The following C1QTNF3 variants were observed in gnomAD, a reference collection of about 807,000 sequenced individuals.
C1QTNF3 encodes the protein complement C1q tumor necrosis factor-related protein 3.
C1QTNF3 carries 26 observed loss-of-function variants against 32.6 expected under a neutral mutation model. The ratio of observed to expected loss-of-function variants is 0.80; its 90% CI spans 0.58 to 1.11. The LOEUF (loss-of-function observed/expected upper bound fraction) is 1.11, where lower values mean the gene tolerates loss of function less well. Among genes scored for constraint, C1QTNF3 ranks in the 50% least tolerant of loss-of-function variants. C1QTNF3 has a pLI of 0.00. For synonymous variants in C1QTNF3, 155 were observed against 146.0 expected (o/e 1.06, Z -0.44); for missense variants, 362 against 398.2 (o/e 0.91, Z 0.77).
the C1QTNF3 span, among the ~76,000 whole-genome samples, chr5:34,216,130 A>G: frequency 6.6e-6 from 1 of 152,240 alleles, no homozygotes; most frequent in Non-Finnish European, 1.5e-5. Context: ...ATATCACAAA[A>G]TGTTTTAATG....
chr5:34,170,530 C>A, the C1QTNF3 span, among the ~76,000 whole-genome samples: 1 of 151,938 alleles, frequency 6.6e-6, no homozygotes, highest in Non-Finnish European at 1.5e-5. Flanking sequence ...GTGACAGTAT[C>A]GGGGGTGTTT....
the C1QTNF3 span, among the ~76,000 whole-genome samples, chr5:34,197,983 C>T: frequency 6.7e-6 from 1 of 149,602 alleles, no homozygotes; most frequent in African/African-American, 2.5e-5. Context: ...CATCTGTAAT[C>T]CCAGTACTTT....
chr5:34,056,479 T>TATATATATAG, the C1QTNF3 span, among the ~76,000 whole-genome samples: 20 of 51,774 alleles, frequency 3.9e-4, no homozygotes, highest in East Asian at 1.4e-3. Context: ...TATATATATA[T>TATATATATAG]AGAGAGAGAG....
At chr5:34,134,225 C>T in the C1QTNF3 span, among the ~76,000 whole-genome samples, 7 of 152,122 alleles carry the variant, frequency 4.6e-5, no homozygotes, top group African/African-American at 7.2e-5. Flanking sequence ...CTATTGTGTT[C>T]GAGCCAATTA....
chr5:34,221,761 G>C, the C1QTNF3 span, among the ~76,000 whole-genome samples: 1 of 152,018 alleles, frequency 6.6e-6, no homozygotes, highest in African/African-American at 2.4e-5. Flanking sequence ...TAAAGACAAT[G>C]CTTCAGTTTT....
chr5:34,241,824 C>T, the C1QTNF3 span, among the ~76,000 whole-genome samples: 1 of 151,394 alleles, frequency 6.6e-6, no homozygotes, highest in African/African-American at 2.4e-5. Flanking sequence ...GCCAGGAGTT[C>T]AAGCCTGCAG....
the C1QTNF3 span, among the ~76,000 whole-genome samples, chr5:34,196,895 A>C: frequency 1.3e-5 from 2 of 152,296 alleles, no homozygotes; most frequent in South Asian, 2.1e-4. Flanking sequence ...CTCCTGACCT[A>C]ATGATCTGCC....
At chr5:34,157,261 C>T in the C1QTNF3 span, among the ~76,000 whole-genome samples, 1 of 152,184 alleles carries the variant, frequency 6.6e-6, no homozygotes, top group Non-Finnish European at 1.5e-5. Flanking sequence ...ACAGTAGCCA[C>T]AACTGTATAA....
the C1QTNF3 span, among the ~76,000 whole-genome samples, chr5:34,122,805 T>G: frequency 0.013 from 1,956 of 150,328 alleles, 23 homozygotes; most frequent in South Asian, 0.031. Context: ...TGCTGCCATC[T>G]AAACAGAAGC....
chr5:34,177,480 CTTTTTTTTTTTTT>C, the C1QTNF3 span, among the ~76,000 whole-genome samples: 1 of 84,640 alleles, frequency 1.2e-5, no homozygotes, highest in African/African-American at 4.8e-5. Flanking sequence ...CCATACCCAA[CTTTTTTTTTTTTT>C]TTTTTTTTTT....
upstream of C1QTNF3, among the ~76,000 whole-genome samples, chr5:34,044,643 T>C (rs968358952): frequency 3.9e-4 from 59 of 152,246 alleles, no homozygotes; most frequent in Non-Finnish European, 3.8e-4. Context: ...TCCACACTTA[T>C]ACATGGAAAG....
chr5:34,106,301 A>C, the C1QTNF3 span: 1 of 151,984 alleles, frequency 6.6e-6, no homozygotes. Context: ...TATTTTACTT[A>C]ATTTTCCCTC....
chr5:34,162,334 T>A, the C1QTNF3 span, among the ~76,000 whole-genome samples: 6 of 152,280 alleles, frequency 3.9e-5, no homozygotes, highest in East Asian at 1.2e-3. Flanking sequence ...ACCATTCTCA[T>A]AATAACTAAC....
chr5:34,074,698 C>A, the C1QTNF3 span, among the ~76,000 whole-genome samples: 1 of 151,552 alleles, frequency 6.6e-6, no homozygotes, highest in Admixed American at 6.6e-5. Context: ...TTTCTTACTG[C>A]ACTGATTAAT....
chr5:34,062,967 C>T, the C1QTNF3 span, among the ~76,000 whole-genome samples: 1 of 152,010 alleles, frequency 6.6e-6, no homozygotes, highest in Non-Finnish European at 1.5e-5. Flanking sequence ...AAAGCAGTTG[C>T]TGCTACAGAT....
At chr5:34,063,867 C>T in the C1QTNF3 span, among the ~76,000 whole-genome samples, 1 of 152,148 alleles carries the variant, frequency 6.6e-6, no homozygotes, top group South Asian at 2.1e-4. Context: ...TGGGGCTACA[C>T]TTTCAAGAAA....
At chr5:34,222,804 A>C in the C1QTNF3 span, among the ~76,000 whole-genome samples, 2 of 152,012 alleles carry the variant, frequency 1.3e-5, no homozygotes, top group African/African-American at 4.8e-5. Flanking sequence ...GAATATGAGA[A>C]TGAATCCTTT....
chr5:34,058,384 G>C, the C1QTNF3 span, among the ~76,000 whole-genome samples: 1 of 152,146 alleles, frequency 6.6e-6, no homozygotes, highest in Admixed American at 6.5e-5. Flanking sequence ...AAAGGGAAGA[G>C]GAGCAAGGAG....
intron 2 of C1QTNF3, 109 bp downstream of exon 2, chr5:34,035,538 G>A (rs966057762): frequency 1.8e-5 from 15 of 810,884 alleles, no homozygotes; most frequent in Middle Eastern, 5.2e-4. Context: ...AGAGTCTAGC[G>A]GATCCTTTGG....
Sources: gnomAD v4.1 joint callset for allele counts (sites outside exome capture counted in the v4.1 genomes callset) on GRCh38, gnomAD v4.1.1 for gene constraint, MANE v1.5 for transcripts, NCBI Gene and HGNC (gene_info 2026-07-23, HGNC 2026-07-21) for gene names.